CAMKMT: variants seen among roughly 807,000 people sequenced by gnomAD.
The protein encoded by CAMKMT is calmodulin-lysine N-methyltransferase, also known as CaM KMT.
A neutral mutation model predicts 48.0 loss-of-function variants in CAMKMT; 53 were observed. The observed-to-expected ratio is 1.10, with a 90% CI of 0.89 to 1.39. The LOEUF is 1.39. Ranked by LOEUF, CAMKMT falls within the 40% of genes most tolerant of loss-of-function variation. CAMKMT has a pLI of 0.00. For missense variants in CAMKMT, 428 were observed against 402.7 expected, an observed-to-expected ratio of 1.06 and a Z score of -0.54; for synonymous variants, 165 against 152.3, an observed-to-expected ratio of 1.08 and a Z score of -0.61.
At chr2:44,603,536 C>T (rs1433790257) in intron 3 of CAMKMT, among the ~76,000 whole-genome samples, 1 of 152,166 alleles carries the variant, frequency 6.6e-6, no homozygotes, top group Non-Finnish European at 1.5e-5. Flanking sequence ...GCTTTTGATT[C>T]TGTGGGTCAG....
At chr2:44,495,439 C>T (rs1669709242) in intron 3 of CAMKMT, among the ~76,000 whole-genome samples, 1 of 152,112 alleles carries the variant, frequency 6.6e-6, no homozygotes, top group South Asian at 2.1e-4. Context: ...CCACCGTGCA[C>T]AGCCAAGAAT....
intron 3 of CAMKMT, among the ~76,000 whole-genome samples, chr2:44,670,204 T>G (rs1307217667): frequency 6.6e-6 from 1 of 152,204 alleles, no homozygotes; most frequent in East Asian, 1.9e-4. Context: ...GAACAGAAAT[T>G]TCTTGAACTA....
intron 7 of CAMKMT, among the ~76,000 whole-genome samples, chr2:44,732,937 G>A (rs533783410): frequency 2.8e-4 from 43 of 152,238 alleles, no homozygotes; most frequent in African/African-American, 1.0e-3. Flanking sequence ...AATAAAGTCT[G>A]ATTTACCAAT....
chr2:44,409,084 T>A (rs1354642939), intron 3 of CAMKMT, among the ~76,000 whole-genome samples: 1 of 620 alleles, frequency 1.6e-3, no homozygotes, highest in East Asian at 0.056. Context: ...TCAGCCGATA[T>A]ATATATATAT....
chr2:44,421,726 G>A (rs960466372), intron 3 of CAMKMT, among the ~76,000 whole-genome samples: 4 of 152,100 alleles, frequency 2.6e-5, no homozygotes, highest in South Asian at 2.1e-4. Flanking sequence ...CAAAAACAGA[G>A]AAAACTTAGG....
chr2:44,426,850 G>A (rs1684310234), intron 3 of CAMKMT, among the ~76,000 whole-genome samples: 1 of 152,076 alleles, frequency 6.6e-6, no homozygotes, highest in African/African-American at 2.4e-5. Flanking sequence ...CCAAAAAAGA[G>A]CCCAAGTAGC....
intron 7 of CAMKMT, among the ~76,000 whole-genome samples, chr2:44,727,062 C>T (rs775697467): frequency 6.6e-6 from 1 of 152,042 alleles, no homozygotes; most frequent in Non-Finnish European, 1.5e-5. Context: ...GTGCCTCTGG[C>T]TTTGTTCTTT....
At chr2:44,641,856 C>A (rs1673469173) in intron 3 of CAMKMT, among the ~76,000 whole-genome samples, 1 of 152,228 alleles carries the variant, frequency 6.6e-6, no homozygotes, top group African/African-American at 2.4e-5. Context: ...CCACACCCAG[C>A]TCTGATGTAT....
chr2:44,688,252 C>T (rs1676449424), intron 3 of CAMKMT, among the ~76,000 whole-genome samples: 1 of 152,026 alleles, frequency 6.6e-6, no homozygotes, highest in Non-Finnish European at 1.5e-5. Flanking sequence ...TGTAGATGGC[C>T]CCAACAGAGC....
At chr2:44,666,853 C>T (rs1379343716) in intron 3 of CAMKMT, among the ~76,000 whole-genome samples, 1 of 152,168 alleles carries the variant, frequency 6.6e-6, no homozygotes, top group African/African-American at 2.4e-5. Flanking sequence ...CGTGATCTGC[C>T]CGCCTCGGCC....
intron 3 of CAMKMT, among the ~76,000 whole-genome samples, chr2:44,562,097 A>T (rs1668354468): frequency 6.6e-6 from 1 of 152,150 alleles, no homozygotes; most frequent in African/African-American, 2.4e-5. Flanking sequence ...TAGGAGGTTT[A>T]TTGGGGTATT....
At chr2:44,433,632 A>C (rs1684779978) in intron 3 of CAMKMT, among the ~76,000 whole-genome samples, 1 of 152,148 alleles carries the variant, frequency 6.6e-6, no homozygotes, top group Admixed American at 6.5e-5. Flanking sequence ...CTGACCCTAA[A>C]CTGTTGATTA....
intron 3 of CAMKMT, among the ~76,000 whole-genome samples, chr2:44,481,004 T>C (rs923449775): frequency 6.6e-6 from 1 of 150,646 alleles, no homozygotes; most frequent in Non-Finnish European, 1.5e-5. Context: ...CCATATTATG[T>C]GTGTGTGTGT....
At chr2:44,713,761 C>G (rs960241859) in intron 6 of CAMKMT, among the ~76,000 whole-genome samples, 1 of 152,156 alleles carries the variant, frequency 6.6e-6, no homozygotes, top group Non-Finnish European at 1.5e-5. Flanking sequence ...ACAGTACCTG[C>G]TTATTCACTC....
At chr2:44,577,798 A>T (rs6742115) in intron 3 of CAMKMT, among the ~76,000 whole-genome samples, 97,934 of 151,872 alleles carry the variant, frequency 0.64, 32,066 homozygotes, top group Middle Eastern at 0.74. Flanking sequence ...GGCTGGGAAC[A>T]GGGGGCTGCA....
chr2:44,595,369 T>C (rs1224832036), intron 3 of CAMKMT, among the ~76,000 whole-genome samples: 1 of 152,122 alleles, frequency 6.6e-6, no homozygotes, highest in East Asian at 1.9e-4. Context: ...GCGTCCAAAG[T>C]GCTGGGATTA....
At chr2:44,572,452 A>G (rs1035843457) in intron 3 of CAMKMT, among the ~76,000 whole-genome samples, 1 of 152,226 alleles carries the variant, frequency 6.6e-6, no homozygotes, top group Non-Finnish European at 1.5e-5. Flanking sequence ...GTAACGTGTC[A>G]GAATTTCATT....
chr2:44,376,037 C>G (rs768491769), intron 2 of CAMKMT, among the ~76,000 whole-genome samples: 1 of 151,974 alleles, frequency 6.6e-6, no homozygotes, highest in Admixed American at 6.6e-5. Flanking sequence ...ATCCACCTGC[C>G]TTGGCCTCCC....
rs958781719 is a variant in CAMKMT at position 44,469,310 on chromosome 2, G to A, written c.376+79005G>A. On this transcript the variant is annotated intron_variant, in intron 3 of 10. Coordinates refer to ENST00000378494, the MANE Select transcript of CAMKMT (RefSeq NM_024766.5). ...AAAAATTAGCTTATTTTTTCATTGA[G>A]TGTCTTAATCTATTTGGCTGTTGAA... Among the ~76,000 whole-genome samples the A allele has an allele frequency of 2.6e-5, 4 of 151,124 alleles. No individual in the cohort carries two copies. In the South Asian group the frequency reaches 6.3e-4, roughly 24 times the overall value.
Sources: allele counts gnomAD v4.1 joint callset (sites outside exome capture counted in the v4.1 genomes callset), GRCh38; gene constraint gnomAD v4.1.1; transcripts MANE v1.5; gene names NCBI Gene and HGNC (gene_info 2026-07-23, HGNC 2026-07-21).